The following DIAPH1 variants were observed in gnomAD, a reference collection of about 807,000 sequenced individuals.
DIAPH1 encodes diaphanous related formin 1, also known as protein diaphanous homolog 1.
A neutral mutation model predicts 140.7 loss-of-function variants in DIAPH1; 46 were observed. The observed-to-expected ratio is 0.33, with a 90% CI of 0.26 to 0.42. DIAPH1 has a LOEUF of 0.42. Among genes scored for constraint, DIAPH1 ranks in the 10% least tolerant of loss-of-function variants. DIAPH1 has a pLI of 1.00. For missense variants in DIAPH1, 1,310 were observed against 1,558.7 expected (o/e 0.84, Z 2.69); for synonymous variants, 565 against 551.6 (o/e 1.02, Z -0.34).
At chr5:141,584,678 T>TA (rs1310367405) in intron 3 of DIAPH1, among the ~76,000 whole-genome samples, 2 of 152,162 alleles carry the variant, frequency 1.3e-5, no homozygotes, top group African/African-American at 4.8e-5. Context: ...TCAGTCCCTG[T>TA]ACAAACTCCT....
chr5:141,526,547 T>G, intron 24 of DIAPH1, 86 bp from the exon 25 acceptor site: 1 of 1,537,954 alleles, frequency 6.5e-7, no homozygotes, highest in Non-Finnish European at 9.0e-7. Context: ...AGATGAGTAC[T>G]GGCATGCAAA....
intron 19 of DIAPH1, among the ~76,000 whole-genome samples, chr5:141,530,062 C>T (rs997719340): frequency 3.3e-5 from 5 of 152,140 alleles, no homozygotes; most frequent in African/African-American, 1.2e-4. Flanking sequence ...CCAGCCTGAG[C>T]AACAGAGCGA....
chr5:141,560,775 G>C (rs2099893409), intron 18 of DIAPH1: 1 of 448,468 alleles, frequency 2.2e-6, no homozygotes, highest in South Asian at 1.6e-5. Context: ...TTCAGGGTTG[G>C]GAAGGGAAGT....
At chr5:141,518,252 AC>A (rs1596331577) in intron 27 of DIAPH1, among the ~76,000 whole-genome samples, 1 of 151,634 alleles carries the variant, frequency 6.6e-6, no homozygotes, top group Non-Finnish European at 1.5e-5. Context: ...ATATTCTAAA[AC>A]CCCTGAATTA....
chr5:141,529,493 A>C, intron 20 of DIAPH1, 110 bp downstream of exon 20: 2 of 1,083,824 alleles, frequency 1.8e-6, no homozygotes, highest in Non-Finnish European at 1.4e-6. Flanking sequence ...CAAAGCCAGC[A>C]TTCATAAGTC....
chr5:141,581,116 C>A (rs1054753510), intron 7 of DIAPH1, among the ~76,000 whole-genome samples: 2 of 152,088 alleles, frequency 1.3e-5, no homozygotes, highest in African/African-American at 4.8e-5. Flanking sequence ...TCCAATATGA[C>A]CAGTGTCCTT....
At chr5:141,574,840 T>C (rs1428792654) in intron 15 of DIAPH1, 127 bp downstream of exon 15, 4 of 1,001,714 alleles carry the variant, frequency 4.0e-6, no homozygotes, top group African/African-American at 1.6e-5. Flanking sequence ...TTTTAAAATA[T>C]GCACCATGTA....
chr5:141,591,189 C>T (rs1467033485), intron 1 of DIAPH1, among the ~76,000 whole-genome samples: 1 of 152,092 alleles, frequency 6.6e-6, no homozygotes, highest in Non-Finnish European at 1.5e-5. Context: ...GCTGCCTCCT[C>T]AGCCTAGATT....
chr5:141,604,126 T>A (rs749273617), intron 1 of DIAPH1, among the ~76,000 whole-genome samples: 28 of 152,204 alleles, frequency 1.8e-4, no homozygotes, highest in Non-Finnish European at 3.8e-4. Context: ...TACTTTCCTA[T>A]CAAGTATCAC....
chr5:141,582,763 G>C (rs2099896962), intron 6 of DIAPH1, among the ~76,000 whole-genome samples: 4 of 152,100 alleles, frequency 2.6e-5, no homozygotes, highest in Admixed American at 2.6e-4. Flanking sequence ...AAAGATTCCA[G>C]GAAGTACTCT....
rs1554207925 is a variant in DIAPH1 at position 141,573,744 on chromosome 5, G to A, written c.2106C>T (p.Pro702=). Residue 702 remains proline (P), a synonymous_variant, in exon 16 of 28, where the codon CCC becomes CCT. Transcript: ENST00000389054. ...PPLPGSAGIP[P]PPPPLPGEAG... ...CTTCTCCAGGCAAGGGAGGAGGTGG[G>A]GGGGGAATTCCAGCACTCCCAGGCA... The A allele has an allele frequency of 1.3e-6, 2 of 1,499,446 alleles. No homozygotes were observed. Among genetic ancestry groups the A allele is most frequent in the Non-Finnish European group, 1.8e-6 (2 of 1,112,076 alleles). The allele number at this position is 1,499,446 out of a possible 1,614,324, so 92.9% of individuals were successfully genotyped here. A position where few individuals can be genotyped will look rare whatever the true frequency, so the allele number is the denominator to read the frequency against.
intron 18 of DIAPH1, among the ~76,000 whole-genome samples, chr5:141,560,375 A>T (rs1236113159): frequency 6.6e-6 from 1 of 152,180 alleles, no homozygotes; most frequent in Non-Finnish European, 1.5e-5. Flanking sequence ...CCTTTCACTA[A>T]GTGCTGGATT....
At chr5:141,571,528 T>A in intron 17 of DIAPH1, 92 bp from the exon 18 acceptor site, 1 of 1,144,002 alleles carries the variant, frequency 8.7e-7, no homozygotes, top group Non-Finnish European at 1.3e-6. Context: ...CTTGTTACTG[T>A]AGACAGTCAC....
chr5:141,522,738 T>G (rs1027659644), intron 27 of DIAPH1, among the ~76,000 whole-genome samples: 7 of 152,220 alleles, frequency 4.6e-5, no homozygotes, highest in Admixed American at 4.6e-4. Flanking sequence ...AGCTGTACTC[T>G]CCTTGCAAAC....
At chr5:141,556,004 G>A (rs958350222) in intron 18 of DIAPH1, among the ~76,000 whole-genome samples, 6 of 152,100 alleles carry the variant, frequency 3.9e-5, no homozygotes, top group African/African-American at 1.4e-4. Flanking sequence ...CCCTTCCCTT[G>A]GGCAAGGGAA....
At chr5:141,588,534 T>A (rs2099897889) in intron 1 of DIAPH1, among the ~76,000 whole-genome samples, 1 of 149,192 alleles carries the variant, frequency 6.7e-6, no homozygotes, top group Admixed American at 6.6e-5. Context: ...TGATGACCGA[T>A]ACACTTATAA....
At chr5:141,587,001 A>G in intron 3 of DIAPH1, 41 bp downstream of exon 3, 1 of 1,611,822 alleles carries the variant, frequency 6.2e-7, no homozygotes, top group Non-Finnish European at 8.5e-7. Flanking sequence ...ATGTCCATAA[A>G]TGCACAGGAA....
intron 1 of DIAPH1, among the ~76,000 whole-genome samples, chr5:141,594,939 G>A (rs1327262651): frequency 6.6e-6 from 1 of 151,592 alleles, no homozygotes; most frequent in Non-Finnish European, 1.5e-5. Flanking sequence ...TACTTGGGAG[G>A]CTGAGGCAGG....
At chr5:141,599,166 T>C (rs889094879) in intron 1 of DIAPH1, among the ~76,000 whole-genome samples, 6 of 152,178 alleles carry the variant, frequency 3.9e-5, no homozygotes, top group African/African-American at 1.2e-4. Context: ...AGCAGGGATC[T>C]AAAAAGAGAG....
Sources: gnomAD v4.1 joint callset for allele counts (sites outside exome capture counted in the v4.1 genomes callset) on GRCh38, gnomAD v4.1.1 for gene constraint, MANE v1.5 for transcripts, NCBI Gene and HGNC (gene_info 2026-07-23, HGNC 2026-07-21) for gene names.